Variants in CCDC148 observed in about 807,000 individuals in gnomAD.
CCDC148 encodes the protein coiled-coil domain-containing protein 148.
A neutral mutation model predicts 85.7 loss-of-function variants in CCDC148; 89 were observed. The ratio of observed to expected loss-of-function variants is 1.04; its 90% CI spans 0.87 to 1.24. The LOEUF is 1.24. CCDC148 is among the 50% of genes most tolerant of loss of function. The pLI is 0.00. For missense variants in CCDC148, 692 were observed against 671.7 expected (o/e 1.03, Z -0.33); for synonymous variants, 230 against 213.9 (o/e 1.08, Z -0.66).
chr2:158,451,175 T>C (rs1163247532), intron 1 of CCDC148, among the ~76,000 whole-genome samples: 4 of 151,984 alleles, frequency 2.6e-5, no homozygotes, highest in Admixed American at 6.6e-5. Flanking sequence ...TTAGAGTCCA[T>C]ATTTGTTGAG....
intron 1 of CCDC148, among the ~76,000 whole-genome samples, chr2:158,454,617 A>G (rs2105352994): frequency 6.6e-6 from 1 of 152,372 alleles, no homozygotes; most frequent in South Asian, 2.1e-4. Context: ...TCAGGAGAGC[A>G]GACATTGGAC....
At chr2:158,442,690 T>A (rs1308695071) in intron 1 of CCDC148, among the ~76,000 whole-genome samples, 1 of 152,238 alleles carries the variant, frequency 6.6e-6, no homozygotes, top group Non-Finnish European at 1.5e-5. Flanking sequence ...TGCAGTGTTG[T>A]TCCCCTGCTT....
chr2:158,309,785 C>A, intron 8 of CCDC148, 146 bp from the exon 9 acceptor site: 1 of 677,158 alleles, frequency 1.5e-6, no homozygotes, highest in Non-Finnish European at 2.4e-6. Context: ...ATACAGCAAC[C>A]AGAAACCAGG....
chr2:158,236,885 T>C (rs953176710), intron 10 of CCDC148, among the ~76,000 whole-genome samples: 2 of 152,152 alleles, frequency 1.3e-5, no homozygotes, highest in African/African-American at 4.8e-5. Context: ...GGGGCTTACA[T>C]TCTAGAAGTG....
At chr2:158,447,582 T>A (rs558220450) in intron 1 of CCDC148, 1 of 152,344 alleles carries the variant, frequency 6.6e-6, no homozygotes, top group South Asian at 2.1e-4. Context: ...GTATTGTCAA[T>A]TTTTGGTTTA....
At chr2:158,305,785 G>A (rs1691657154) in intron 9 of CCDC148, among the ~76,000 whole-genome samples, 2 of 145,070 alleles carry the variant, frequency 1.4e-5, no homozygotes, top group Non-Finnish European at 1.5e-5. Context: ...AAAAAGGAGG[G>A]ACACCCTCTG....
intron 1 of CCDC148, among the ~76,000 whole-genome samples, chr2:158,383,238 A>G (rs1400350357): frequency 6.6e-6 from 1 of 151,960 alleles, no homozygotes; most frequent in Non-Finnish European, 1.5e-5. Flanking sequence ...AATCGCTTGA[A>G]CCTGGGAGGT....
intron 1 of CCDC148, among the ~76,000 whole-genome samples, chr2:158,441,704 A>G (rs1687939316): frequency 6.6e-6 from 1 of 152,148 alleles, no homozygotes; most frequent in African/African-American, 2.4e-5. Flanking sequence ...AAGTACATGT[A>G]CTTATTAGCC....
At chr2:158,422,489 A>G (rs184121225) in intron 1 of CCDC148, among the ~76,000 whole-genome samples, 22 of 152,310 alleles carry the variant, frequency 1.4e-4, no homozygotes, top group African/African-American at 5.3e-4. Context: ...AATCCACATG[A>G]TAATCTCAAT....
intron 1 of CCDC148, among the ~76,000 whole-genome samples, chr2:158,400,870 C>T (rs763218964): frequency 6.6e-6 from 1 of 151,696 alleles, no homozygotes; most frequent in Non-Finnish European, 1.5e-5. Context: ...AAGAAAAAAC[C>T]CCATCAAAAA....
rs536512327 is a variant in CCDC148, at chr2:158,366,348, T to C, written c.26-7778A>G. Among the ~76,000 whole-genome samples, 25 of 152,328 alleles carry C rather than the reference T, an allele frequency of 1.6e-4. No homozygotes were observed. In the South Asian group the frequency reaches 2.9e-3, roughly 18 times the overall value. ...CCAGTGACTGATAAAAAATTTGTTA[T>C]TAGAAAGTTGTTATGTGTTTTATTT... is the stretch of plus-strand genomic sequence containing the variant. On this transcript the variant is annotated intron_variant, in intron 1 of 13. Transcript: ENST00000283233.
chr2:158,311,481 GA>G (rs1480236003), intron 8 of CCDC148, among the ~76,000 whole-genome samples: 4 of 152,318 alleles, frequency 2.6e-5, no homozygotes, highest in African/African-American at 9.6e-5. Context: ...AGACGAGGGA[GA>G]GGGGGAGACC....
At chr2:158,356,230 G>A (rs1034913873) in intron 2 of CCDC148, among the ~76,000 whole-genome samples, 12 of 138,818 alleles carry the variant, frequency 8.6e-5, no homozygotes, top group Admixed American at 7.7e-4. Flanking sequence ...ATTGACAAAT[G>A]GGATCTAATT....
At chr2:158,386,225 A>G (rs1685082218) in intron 1 of CCDC148, among the ~76,000 whole-genome samples, 1 of 152,132 alleles carries the variant, frequency 6.6e-6, no homozygotes, top group Non-Finnish European at 1.5e-5. Context: ...TTTCAGGTGA[A>G]AAAACTGAGG....
chr2:158,286,734 A>G (rs1476795864), intron 9 of CCDC148, among the ~76,000 whole-genome samples: 1 of 152,204 alleles, frequency 6.6e-6, no homozygotes, highest in Non-Finnish European at 1.5e-5. Flanking sequence ...AACAGTGGAA[A>G]GGACAGAGCT....
At chr2:158,421,130 A>T (rs369369184) in intron 1 of CCDC148, among the ~76,000 whole-genome samples, 1 of 152,126 alleles carries the variant, frequency 6.6e-6, no homozygotes, top group Non-Finnish European at 1.5e-5. Context: ...CTCCCACACA[A>T]TAATAATGGG....
At chr2:158,386,105 T>C (rs1685075062) in intron 1 of CCDC148, among the ~76,000 whole-genome samples, 1 of 152,098 alleles carries the variant, frequency 6.6e-6, no homozygotes, top group Non-Finnish European at 1.5e-5. Flanking sequence ...GAACAAAGTA[T>C]GTATCAGCGG....
At chr2:158,433,739 C>T (rs918240354) in intron 1 of CCDC148, among the ~76,000 whole-genome samples, 2 of 152,184 alleles carry the variant, frequency 1.3e-5, no homozygotes, top group African/African-American at 4.8e-5. Context: ...GAAGCTGTGA[C>T]AGACGGTACC....
chr2:158,319,085 T>G (rs965156477), intron 7 of CCDC148, among the ~76,000 whole-genome samples: 4 of 152,158 alleles, frequency 2.6e-5, no homozygotes, highest in Non-Finnish European at 5.9e-5. Context: ...CTTTTAAAAG[T>G]AAGATGTAAT....
Sources: gnomAD v4.1 joint callset for allele counts (sites outside exome capture counted in the v4.1 genomes callset) on GRCh38, gnomAD v4.1.1 for gene constraint, MANE v1.5 for transcripts, NCBI Gene and HGNC (gene_info 2026-07-23, HGNC 2026-07-21) for gene names.